The following MRAP2 variants were observed in gnomAD, a reference collection of about 807,000 sequenced individuals.
The protein encoded by MRAP2 is melanocortin 2 receptor accessory protein 2, also known as melanocortin-2 receptor accessory protein 2.
Under a neutral mutation model 17.4 loss-of-function variants are expected in MRAP2, and 20 were observed. The observed-to-expected ratio is 1.15, with a 90% CI of 0.81 to 1.67. The LOEUF is 1.67. Among genes scored for constraint, MRAP2 ranks in the 40% most tolerant of loss-of-function variants. MRAP2 has a pLI of 0.00. For synonymous variants in MRAP2, 96 were observed against 88.4 expected (o/e 1.09, Z -0.48); for missense variants, 238 against 240.0 (o/e 0.99, Z 0.05).
intron 1 of MRAP2, among the ~76,000 whole-genome samples, chr6:84,054,626 T>C (rs2099491246): frequency 6.6e-6 from 1 of 152,216 alleles, no homozygotes. Context: ...GTTGCTCATC[T>C]CCATTGTTGC....
At chr6:84,114,774 CTGTTGA>C in the MRAP2 span, among the ~76,000 whole-genome samples, 1 of 152,140 alleles carries the variant, frequency 6.6e-6, no homozygotes, top group Admixed American at 6.5e-5. Flanking sequence ...GACGTCCTTT[CTGTTGA>C]TGTTGATCCC....
chr6:84,126,359 T>C, the MRAP2 span: 1 of 1,556,416 alleles, frequency 6.4e-7, no homozygotes, highest in Non-Finnish European at 8.7e-7. Context: ...TATAAATATG[T>C]AAATGTGATT....
chr6:84,048,933 C>G (rs2099489715), intron 1 of MRAP2, among the ~76,000 whole-genome samples: 2 of 152,310 alleles, frequency 1.3e-5, no homozygotes, highest in South Asian at 2.1e-4. Context: ...ATTCAGCTCC[C>G]TGAATCTGTA....
rs2099501365 is a variant in MRAP2 at position 84,089,689 on chromosome 6, C to A, written c.*208C>A. ...TTTGTTTTGTTTTTGCTTTTTAATA[C>A]ATTTGGAGCTTTGGGAGTATTAAAG... On this transcript the variant is annotated 3_prime_UTR_variant, in exon 4 of 4. Transcript: ENST00000257776. 3.6e-6 allele frequency: 2 copies of A among 562,504 alleles called. No individual in the cohort carries two copies. The highest frequency in any genetic ancestry group is 5.7e-5 in the East Asian group (2 of 34,962). The allele number at this position is 562,504 out of a possible 1,614,324, so 34.8% of individuals were successfully genotyped here. A position where few individuals can be genotyped will look rare whatever the true frequency, so the allele number is the denominator to read the frequency against.
chr6:84,128,450 T>C, the MRAP2 span, among the ~76,000 whole-genome samples: 1 of 152,228 alleles, frequency 6.6e-6, no homozygotes, highest in Admixed American at 6.5e-5. Context: ...AATAGGGGAT[T>C]TGTGAAATAA....
At chr6:84,056,977 A>G (rs1306861959) in intron 2 of MRAP2, among the ~76,000 whole-genome samples, 1 of 152,322 alleles carries the variant, frequency 6.6e-6, no homozygotes, top group African/African-American at 2.4e-5. Context: ...TACTTTACCT[A>G]CTATACCATT....
At chr6:84,136,418 GAA>G in the MRAP2 span, among the ~76,000 whole-genome samples, 5 of 152,262 alleles carry the variant, frequency 3.3e-5, no homozygotes, top group South Asian at 1.0e-3. Context: ...GAGAACCACT[GAA>G]CTTATTCTTC....
intron 3 of MRAP2, among the ~76,000 whole-genome samples, chr6:84,064,766 C>G (rs543072623): frequency 7.2e-5 from 11 of 152,150 alleles, no homozygotes; most frequent in Non-Finnish European, 7.4e-5. Context: ...GGATTACAGG[C>G]GTGAGCCACC....
At chr6:84,134,437 C>T in the MRAP2 span, among the ~76,000 whole-genome samples, 23 of 152,296 alleles carry the variant, frequency 1.5e-4, no homozygotes, top group East Asian at 9.7e-4. Context: ...CCCAAACGGC[C>T]GCCCAGTTTT....
At chr6:84,140,310 G>A in the MRAP2 span, among the ~76,000 whole-genome samples, 1 of 152,166 alleles carries the variant, frequency 6.6e-6, no homozygotes, top group Admixed American at 6.5e-5. Context: ...TGCCTGTGTG[G>A]TGTCACAGAT....
chr6:84,059,223 G>A (rs920882287), intron 2 of MRAP2, among the ~76,000 whole-genome samples: 2 of 152,224 alleles, frequency 1.3e-5, no homozygotes, highest in South Asian at 4.2e-4. Context: ...ATGCTTTTTC[G>A]TGTGCCACCT....
chr6:84,091,874 G>T (rs1281416576), downstream of MRAP2, among the ~76,000 whole-genome samples: 1 of 152,184 alleles, frequency 6.6e-6, no homozygotes, highest in Non-Finnish European at 1.5e-5. Flanking sequence ...TCATGCTCAT[G>T]TTGGTTCCTG....
At chr6:84,104,703 C>T in the MRAP2 span, among the ~76,000 whole-genome samples, 1 of 152,038 alleles carries the variant, frequency 6.6e-6, no homozygotes, top group Non-Finnish European at 1.5e-5. Context: ...CCTGTCTCTA[C>T]TAAAAATACA....
intron 1 of MRAP2, among the ~76,000 whole-genome samples, chr6:84,036,640 A>C (rs2099486076): frequency 6.6e-6 from 1 of 152,044 alleles, no homozygotes; most frequent in Non-Finnish European, 1.5e-5. Context: ...AGAGGGAAAG[A>C]CCAAAGCTTC....
chr6:84,089,018 G>A (rs1045183588), intron 3 of MRAP2, 73 bp from the exon 4 acceptor site: 47 of 1,504,648 alleles, frequency 3.1e-5, no homozygotes, highest in Non-Finnish European at 3.9e-5. Context: ...CCTGCCCTAC[G>A]TGCAGAAAAC....
chr6:84,087,556 G>A lies in MRAP2; in HGVS notation c.228-1535G>A, dbSNP rs142204440. Among the ~76,000 whole-genome samples, 993 of 152,302 alleles carry A rather than the reference G, an allele frequency of 6.5e-3. 6 individuals are homozygous for A. The highest frequency in any genetic ancestry group is 0.01 in the Middle Eastern group (3 of 294). The stretch of plus-strand genomic sequence containing the variant: ...ACAGGTTGCTGGCACACTCATCCCT[G>A]TTCTCAAATATCTTTTAAACCTGAG... On this transcript the variant is annotated intron_variant, in intron 3 of 3. Transcript: ENST00000257776.
At chr6:84,126,632 T>C in the MRAP2 span, 2 of 630,282 alleles carry the variant, frequency 3.2e-6, no homozygotes, top group East Asian at 6.1e-5. Context: ...CTTGGATTGT[T>C]AGAGTAATTA....
At chr6:84,034,732 A>G (rs1164667529) in intron 1 of MRAP2, among the ~76,000 whole-genome samples, 3 of 152,054 alleles carry the variant, frequency 2.0e-5, no homozygotes, top group Admixed American at 6.6e-5. Flanking sequence ...CAGGGAGACG[A>G]GAGAAGGGAA....
the MRAP2 span, among the ~76,000 whole-genome samples, chr6:84,096,454 A>G: frequency 0.01 from 1,592 of 152,346 alleles, 33 homozygotes; most frequent in African/African-American, 0.036. Flanking sequence ...TGGCCCACAC[A>G]GTACCCACAG....
Sources: allele counts gnomAD v4.1 joint callset (sites outside exome capture counted in the v4.1 genomes callset), GRCh38; gene constraint gnomAD v4.1.1; transcripts MANE v1.5; gene names NCBI Gene and HGNC (gene_info 2026-07-23, HGNC 2026-07-21).